Variants in PPCDC observed in about 807,000 individuals in gnomAD.
PPCDC encodes phosphopantothenoylcysteine decarboxylase.
Under a neutral mutation model 20.7 loss-of-function variants are expected in PPCDC, and 20 were observed. The ratio of observed to expected loss-of-function variants is 0.97; its 90% CI spans 0.68 to 1.41. PPCDC has a LOEUF of 1.41. PPCDC is among the 40% of genes most tolerant of loss of function. The pLI, the probability that PPCDC is intolerant of heterozygous loss-of-function variation, is 0.00. For synonymous variants in PPCDC, 88 were observed against 100.3 expected, an observed-to-expected ratio of 0.88 and a Z score of 0.73; for missense variants, 246 against 263.8, an observed-to-expected ratio of 0.93 and a Z score of 0.47.
chr15:75,026,520 A>T (rs528985241), intron 1 of PPCDC, among the ~76,000 whole-genome samples: 58 of 152,314 alleles, frequency 3.8e-4, no homozygotes, highest in African/African-American at 1.3e-3. Context: ...GAGAAGTGGG[A>T]TAATGCAGCC....
At chr15:75,030,639 C>T (rs540592205) in intron 2 of PPCDC, among the ~76,000 whole-genome samples, 159 of 152,318 alleles carry the variant, frequency 1.0e-3, no homozygotes, top group Non-Finnish European at 2.0e-3. Flanking sequence ...CTCCACATTG[C>T]CTCCTGCTGG....
intron 4 of PPCDC, among the ~76,000 whole-genome samples, chr15:75,045,959 C>G (rs999887277): frequency 6.6e-6 from 1 of 151,456 alleles, no homozygotes; most frequent in Non-Finnish European, 1.5e-5. Flanking sequence ...GCCTATAACC[C>G]CAGCACTTTG....
chr15:75,035,447 C>T (rs988993114), intron 2 of PPCDC, among the ~76,000 whole-genome samples: 5 of 152,136 alleles, frequency 3.3e-5, no homozygotes, highest in Admixed American at 6.5e-5. Context: ...GAAGTAGAAA[C>T]GGGAGGTATC....
At chr15:75,027,695 G>A (rs1036712482) in intron 1 of PPCDC, among the ~76,000 whole-genome samples, 3 of 152,110 alleles carry the variant, frequency 2.0e-5, no homozygotes, top group Non-Finnish European at 4.4e-5. Context: ...CTTTGACACT[G>A]TCACCAGGTG....
chr15:75,043,648 T>C, intron 3 of PPCDC, 112 bp downstream of exon 3: 1 of 992,970 alleles, frequency 1.0e-6, no homozygotes, highest in Non-Finnish European at 1.5e-6. Context: ...TGGGCTCAAG[T>C]CTGTGGTCAG....
intron 4 of PPCDC, chr15:75,044,811 G>A: frequency 1.5e-5 from 5 of 334,424 alleles, no homozygotes; most frequent in South Asian, 1.4e-4. Flanking sequence ...CTTGCTCTTT[G>A]TCCCTCCTCG....
chr15:75,048,775 G>A, intron 5 of PPCDC, 54 bp downstream of exon 5: 2 of 1,580,036 alleles, frequency 1.3e-6, no homozygotes, highest in Non-Finnish European at 1.7e-6. Flanking sequence ...CTCAGCTTTG[G>A]GGTCATATCT....
intron 2 of PPCDC, among the ~76,000 whole-genome samples, chr15:75,032,841 C>T (rs1205086109): frequency 6.7e-6 from 1 of 149,806 alleles, no homozygotes; most frequent in African/African-American, 2.4e-5. Context: ...TGTTCTGTTG[C>T]TCAGGCTGGA....
In PPCDC at chr15:75,049,370, C is replaced by T. The variant is rs2066283291; in HGVS notation, c.*135C>T. On this transcript the variant is annotated 3_prime_UTR_variant, in exon 6 of 6. Coordinates refer to ENST00000342932, the MANE Select transcript of PPCDC (RefSeq NM_021823.5). ...GACCTGCTCTGAGCCTGCCCAGGGG[C>T]CAGGCCTGCTCCAGGTTAAACTGGA... 1 of 803,928 alleles carries T rather than the reference C, an allele frequency of 1.2e-6. No homozygotes were observed. 49.8% of individuals were successfully genotyped at this position (803,928 alleles called of 1,614,324 possible).
intron 1 of PPCDC, among the ~76,000 whole-genome samples, chr15:75,027,745 C>T (rs2065974278): frequency 6.6e-6 from 1 of 152,168 alleles, no homozygotes; most frequent in Non-Finnish European, 1.5e-5. Flanking sequence ...CTCACCCTGG[C>T]CCTCGCTGCC....
In PPCDC at chr15:75,049,915, C is replaced by G. The variant is rs1382131539; in HGVS notation, c.*680C>G. The G allele has an allele frequency of 1.3e-5, 2 of 152,356 alleles. No homozygotes were observed. The highest frequency in any genetic ancestry group is 2.9e-5 in the Non-Finnish European group (2 of 68,066). 9.4% of individuals were successfully genotyped at this position (152,356 alleles called of 1,614,324 possible). A position where few individuals can be genotyped will look rare whatever the true frequency, so the allele number is the denominator to read the frequency against. On this transcript the variant is annotated 3_prime_UTR_variant, in exon 6 of 6. Coordinates refer to ENST00000342932, the MANE Select transcript of PPCDC (RefSeq NM_021823.5). ...GCCAGACAGCCCCTAGTTCCAATCC[C>G]AGCTCTGCCGCTTACTAGCAGTGGC...
At position 75,046,124 on chromosome 15, in the gene PPCDC, A is replaced by G. The variant is rs890692743; in HGVS notation, c.360+1610A>G. ...CAGCTACTCAGGAGGCTGAGGTGGG[A>G]GGATCGCTTGAGTCCAGGAGGTCAA... On this transcript the variant is annotated intron_variant, in intron 4 of 5. Coordinates refer to ENST00000342932, the MANE Select transcript of PPCDC (RefSeq NM_021823.5). Among the ~76,000 whole-genome samples, 5 of 152,282 alleles carry G rather than the reference A, an allele frequency of 3.3e-5. 1 individual carries two copies. The highest frequency in any genetic ancestry group is 2.1e-4 in the South Asian group (1 of 4,826).
chr15:75,026,587 C>A (rs1197530854), intron 1 of PPCDC, among the ~76,000 whole-genome samples: 1 of 152,172 alleles, frequency 6.6e-6, no homozygotes, highest in East Asian at 1.9e-4. Context: ...AAATCCTGGG[C>A]AGAGAGGCTA....
intron 1 of PPCDC, among the ~76,000 whole-genome samples, chr15:75,027,470 T>C (rs1462429191): frequency 3.3e-5 from 5 of 152,138 alleles, no homozygotes; most frequent in African/African-American, 1.2e-4. Context: ...TTCCTGGGCT[T>C]TGATTTGTAC....
chr15:75,049,625 C>T lies in PPCDC; in HGVS notation c.*390C>T, dbSNP rs1567071435. ...AGCCTTGGGAGTTTCAGCTCTTTGG[C>T]GGGGTGCCCAGGTGCCATGCGATCA... On this transcript the variant is annotated 3_prime_UTR_variant, in exon 6 of 6. Coordinates refer to ENST00000342932, the MANE Select transcript of PPCDC (RefSeq NM_021823.5). 3 of 178,798 alleles carry T rather than the reference C, an allele frequency of 1.7e-5. No homozygotes were observed. Among genetic ancestry groups the T allele is most frequent in the African/African-American group, 4.7e-5 (2 of 42,148 alleles). 11.1% of individuals were successfully genotyped at this position (178,798 alleles called of 1,614,324 possible).
intron 5 of PPCDC, 94 bp from the exon 6 acceptor site, chr15:75,049,055 TG>T (rs1173122449): frequency 6.6e-6 from 8 of 1,212,750 alleles, no homozygotes; most frequent in Non-Finnish European, 9.7e-6. Flanking sequence ...TCTCAGGCCT[TG>T]GGCTCTGGGT....
At chr15:75,048,082 T>C (rs906046664) in intron 4 of PPCDC, among the ~76,000 whole-genome samples, 2 of 152,186 alleles carry the variant, frequency 1.3e-5, no homozygotes, top group South Asian at 2.1e-4. Context: ...CAGTGAGGGT[T>C]AATGAGATCC....
At chr15:75,034,119 A>G (rs2066057975) in intron 2 of PPCDC, among the ~76,000 whole-genome samples, 1 of 152,178 alleles carries the variant, frequency 6.6e-6, no homozygotes, top group Admixed American at 6.5e-5. Flanking sequence ...TGCATGGGTC[A>G]TAAGGGGAAA....
At chr15:75,043,582 GCAGGA>G in intron 3 of PPCDC, 46 bp downstream of exon 3, 1 of 1,486,142 alleles carries the variant, frequency 6.7e-7, no homozygotes, top group Non-Finnish European at 9.3e-7. Context: ...GTTTCCACCA[GCAGGA>G]CAGAACAGTC....
Sources: allele counts gnomAD v4.1 joint callset (sites outside exome capture counted in the v4.1 genomes callset), GRCh38; gene constraint gnomAD v4.1.1; transcripts MANE v1.5; gene names NCBI Gene and HGNC (gene_info 2026-07-23, HGNC 2026-07-21).